Variants in ITFG1 observed in about 807,000 individuals in gnomAD.
The protein encoded by ITFG1 is integrin alpha FG-GAP repeat containing 1.
Under a neutral mutation model 81.8 loss-of-function variants are expected in ITFG1, and 34 were observed. That is an observed-to-expected ratio of 0.42 (90% CI 0.32 to 0.55). The LOEUF (loss-of-function observed/expected upper bound fraction) is 0.55. ITFG1 is among the 20% of genes least tolerant of loss of function. ITFG1 has a pLI of 0.17. For synonymous variants in ITFG1, 285 were observed against 270.6 expected (o/e 1.05, Z -0.52); for missense variants, 672 against 755.4 (o/e 0.89, Z 1.29).
chr16:47,245,793 A>G (rs1267861984), intron 12 of ITFG1, among the ~76,000 whole-genome samples: 2 of 151,874 alleles, frequency 1.3e-5, no homozygotes, highest in African/African-American at 4.8e-5. Flanking sequence ...TCTTCATATC[A>G]AGACTGTGAA....
chr16:47,166,938 A>T (rs1964898012), intron 14 of ITFG1, among the ~76,000 whole-genome samples: 1 of 152,230 alleles, frequency 6.6e-6, no homozygotes, highest in Non-Finnish European at 1.5e-5. Context: ...CATCCATTTC[A>T]GTCCATTCTT....
At chr16:47,198,730 ATGT>A (rs1218613454) in intron 14 of ITFG1, among the ~76,000 whole-genome samples, 1 of 152,102 alleles carries the variant, frequency 6.6e-6, no homozygotes, top group East Asian at 1.9e-4. Flanking sequence ...GAAGACACTG[ATGT>A]TGGTGATCCT....
upstream of ITFG1, chr16:47,461,140 C>A (rs1969538458): frequency 1.6e-6 from 2 of 1,255,286 alleles, no homozygotes; most frequent in East Asian, 5.2e-5. Context: ...CGCGCAGCCC[C>A]GGGACGCGTA....
At position 47,461,032 on chromosome 16, in the gene ITFG1, C is replaced by CCCG. The variant is rs1042846768; in HGVS notation, c.11_13dup (p.Ala4dup). 9 of 1,541,190 alleles carry CCCG rather than the reference C, an allele frequency of 5.8e-6. No homozygotes were observed. The highest frequency in any genetic ancestry group is 4.9e-5 in the East Asian group (2 of 40,834). ...GAGGGCCCAGGAGCTCGGGAGCCGG[C>CCCG]CCGCCGCCGCCATGGCAGCCCCTCA... On this transcript the variant is annotated inframe_insertion, in exon 1 of 18. Transcript: ENST00000320640.
At chr16:47,227,439 A>C (rs746570559) in intron 13 of ITFG1, among the ~76,000 whole-genome samples, 1 of 152,158 alleles carries the variant, frequency 6.6e-6, no homozygotes, top group Non-Finnish European at 1.5e-5. Context: ...TTTTCATACT[A>C]TCAGTAAAAA....
At chr16:47,290,023 T>C (rs1966888843) in intron 10 of ITFG1, among the ~76,000 whole-genome samples, 1 of 152,190 alleles carries the variant, frequency 6.6e-6, no homozygotes, top group African/African-American at 2.4e-5. Flanking sequence ...TGTTTTCCTA[T>C]CTTCATTTGC....
chr16:47,245,608 T>C (rs141289993), intron 12 of ITFG1, among the ~76,000 whole-genome samples: 63 of 152,316 alleles, frequency 4.1e-4, no homozygotes, highest in African/African-American at 1.4e-3. Flanking sequence ...GACAATTTCC[T>C]TGGAATAAAT....
chr16:47,289,468 T>G (rs1966884198), intron 10 of ITFG1, among the ~76,000 whole-genome samples: 2 of 152,326 alleles, frequency 1.3e-5, no homozygotes, highest in South Asian at 4.1e-4. Flanking sequence ...GTACTGAAGC[T>G]ACTGGGTCCT....
chr16:47,174,419 C>T (rs1194345850), intron 14 of ITFG1, among the ~76,000 whole-genome samples: 4 of 152,150 alleles, frequency 2.6e-5, no homozygotes, highest in Admixed American at 2.6e-4. Flanking sequence ...AGAAAAAAGT[C>T]ACTGAAAACT....
chr16:47,390,402 A>G (rs1388374088), intron 6 of ITFG1, among the ~76,000 whole-genome samples: 1 of 152,222 alleles, frequency 6.6e-6, no homozygotes, highest in African/African-American at 2.4e-5. Flanking sequence ...ATAACCTTAC[A>G]TAAACTGACA....
chr16:47,430,977 A>G (rs1323958071), intron 5 of ITFG1, among the ~76,000 whole-genome samples: 1 of 152,240 alleles, frequency 6.6e-6, no homozygotes, highest in East Asian at 1.9e-4. Flanking sequence ...TATACAATGG[A>G]CTATTATTAA....
At chr16:47,386,541 C>A (rs1968464847) in intron 6 of ITFG1, among the ~76,000 whole-genome samples, 1 of 152,186 alleles carries the variant, frequency 6.6e-6, no homozygotes, top group Non-Finnish European at 1.5e-5. Flanking sequence ...CCCCTACTCA[C>A]AAAGGTGGAG....
chr16:47,180,048 G>C (rs1022941361), intron 14 of ITFG1, among the ~76,000 whole-genome samples: 1 of 152,188 alleles, frequency 6.6e-6, no homozygotes, highest in African/African-American at 2.4e-5. Context: ...TTCATTAAAA[G>C]AGGTGCTTAG....
chr16:47,289,019 T>C (rs575341181), intron 10 of ITFG1, among the ~76,000 whole-genome samples: 4 of 152,306 alleles, frequency 2.6e-5, no homozygotes, highest in African/African-American at 9.6e-5. Flanking sequence ...TATGTTGAGG[T>C]ATATTCCTTC....
chr16:47,441,015 A>T (rs1319723881), intron 5 of ITFG1, among the ~76,000 whole-genome samples: 1 of 151,008 alleles, frequency 6.6e-6, no homozygotes, highest in Non-Finnish European at 1.5e-5. Context: ...ATCACCACCG[A>T]TGGTACAAAC....
intron 17 of ITFG1, 97 bp downstream of exon 17, chr16:47,158,776 G>A (rs1555501224): frequency 1.8e-6 from 1 of 550,156 alleles, no homozygotes; most frequent in Non-Finnish European, 3.2e-6. Context: ...CTAGTCATAT[G>A]AAAAAAGTTT....
At chr16:47,275,616 T>C (rs1966390082) in intron 10 of ITFG1, among the ~76,000 whole-genome samples, 1 of 152,120 alleles carries the variant, frequency 6.6e-6, no homozygotes. Flanking sequence ...GGCTAGAGAA[T>C]TGTGTTTTCA....
intron 17 of ITFG1, chr16:47,157,702 A>AT (rs1964736204): frequency 2.0e-5 from 3 of 152,190 alleles, no homozygotes; most frequent in Non-Finnish European, 2.9e-5. Context: ...TAAAGGAGTG[A>AT]TTTTTTAAAA....
chr16:47,331,235 T>C (rs904872200), intron 8 of ITFG1, among the ~76,000 whole-genome samples: 4 of 152,124 alleles, frequency 2.6e-5, no homozygotes, highest in African/African-American at 9.7e-5. Flanking sequence ...AAATACTGCA[T>C]GTTCTCATTT....
Sources: allele counts gnomAD v4.1 joint callset (sites outside exome capture counted in the v4.1 genomes callset), GRCh38; gene constraint gnomAD v4.1.1; transcripts MANE v1.5; gene names NCBI Gene and HGNC (gene_info 2026-07-23, HGNC 2026-07-21).